Variants in CELF4 observed in about 807,000 individuals in gnomAD.
CELF4 encodes CUGBP Elav-like family member 4.
In CELF4, 18 loss-of-function variants were observed where a neutral mutation model predicts 59.9. The observed-to-expected ratio is 0.30, with a 90% CI of 0.21 to 0.45. CELF4 has a LOEUF of 0.45. Ranked by LOEUF, CELF4 falls within the 20% of genes least tolerant of loss-of-function variation. CELF4 has a pLI of 1.00. For synonymous variants in CELF4, 261 were observed against 267.1 expected (o/e 0.98, Z 0.22); for missense variants, 456 against 689.0 (o/e 0.66, Z 3.79).
At chr18:37,529,444 A>G (rs565292999) in intron 1 of CELF4, among the ~76,000 whole-genome samples, 29 of 152,240 alleles carry the variant, frequency 1.9e-4, no homozygotes, top group Admixed American at 7.8e-4. Context: ...TACCACACCC[A>G]CTGCATGAGG....
intron 1 of CELF4, among the ~76,000 whole-genome samples, chr18:37,518,085 G>A (rs2099952921): frequency 6.6e-6 from 1 of 152,112 alleles, no homozygotes; most frequent in African/African-American, 2.4e-5. Context: ...TGACCAGCAA[G>A]GCTCCCTCTT....
intron 2 of CELF4, among the ~76,000 whole-genome samples, chr18:37,339,954 C>T (rs1042752868): frequency 6.6e-6 from 1 of 152,062 alleles, no homozygotes; most frequent in Non-Finnish European, 1.5e-5. Flanking sequence ...TCTGTGTGTC[C>T]GGCTGTTTCC....
intron 3 of CELF4, among the ~76,000 whole-genome samples, chr18:37,282,292 G>C (rs1016285754): frequency 6.6e-6 from 1 of 152,098 alleles, no homozygotes; most frequent in Non-Finnish European, 1.5e-5. Flanking sequence ...AGTCAGAGAA[G>C]CCAACAGCAT....
At position 37,565,568 on chromosome 18, in the gene CELF4, C is replaced by T. The variant is rs1555685314; in HGVS notation, c.74G>A (p.Ser25Asn). Reference protein sequence around the residue: ...NASLSTNGLGSSPGSAGHMNG... With the variant: ...NASLSTNGLGNSPGSAGHMNG... ...CATGTGCCCGGCACTGCCCGGGCTG[C>T]TGCCGAGCCCGTTGGTACTGAGGCT... Residue 25 changes from serine (S) to asparagine (N), a missense_variant, in exon 1 of 13, where the codon AGC (serine) becomes AAC (asparagine). Ser to Asn is a conservative substitution (Grantham distance 46). Around this residue, in one of 7 missense-constraint regions of CELF4, gnomAD observed 70 missense variants for 69.5 expected, o/e 1.01. Transcript: ENST00000420428. 1 of 1,614,104 alleles carries T rather than the reference C, an allele frequency of 6.2e-7. No homozygotes were observed. Among genetic ancestry groups the T allele is most frequent in the Non-Finnish European group, 8.5e-7 (1 of 1,179,960 alleles).
chr18:37,387,710 G>A (rs117548320), intron 2 of CELF4, among the ~76,000 whole-genome samples: 3,344 of 152,294 alleles, frequency 0.022, 64 homozygotes, highest in Middle Eastern at 0.044. Context: ...GCCCTTCTGC[G>A]GGTGGGACTT....
At chr18:37,414,500 T>TTTC (rs1414134430) in intron 2 of CELF4, among the ~76,000 whole-genome samples, 1 of 42,904 alleles carries the variant, frequency 2.3e-5, no homozygotes, top group Non-Finnish European at 5.5e-5. Flanking sequence ...TTTCTTTTCT[T>TTTC]TTCTTTTTTT....
At chr18:37,461,503 G>A (rs555825536) in intron 2 of CELF4, among the ~76,000 whole-genome samples, 26 of 152,244 alleles carry the variant, frequency 1.7e-4, no homozygotes, top group East Asian at 5.8e-4. Flanking sequence ...GAGGGGAACC[G>A]CCCCCATGAT....
At chr18:37,307,754 G>T (rs2096487811) in intron 3 of CELF4, among the ~76,000 whole-genome samples, 1 of 151,652 alleles carries the variant, frequency 6.6e-6, no homozygotes. Context: ...GGCCAGACCT[G>T]GCTGCCCTCA....
intron 2 of CELF4, among the ~76,000 whole-genome samples, chr18:37,368,082 C>T (rs1453739617): frequency 6.6e-6 from 1 of 152,074 alleles, no homozygotes; most frequent in Non-Finnish European, 1.5e-5. Context: ...GCCTGTGGGT[C>T]ATTTGGGTCT....
At chr18:37,353,523 A>G (rs569517815) in intron 2 of CELF4, among the ~76,000 whole-genome samples, 2 of 151,030 alleles carry the variant, frequency 1.3e-5, no homozygotes, top group African/African-American at 4.9e-5. Context: ...GCAATAGGGC[A>G]TGGGGGAAGA....
At chr18:37,445,998 T>C (rs2099747139) in intron 2 of CELF4, among the ~76,000 whole-genome samples, 1 of 152,190 alleles carries the variant, frequency 6.6e-6, no homozygotes, top group Non-Finnish European at 1.5e-5. Context: ...ATCTCCACCT[T>C]ACAGAGAATG....
At chr18:37,358,379 A>T (rs560075053) in intron 2 of CELF4, among the ~76,000 whole-genome samples, 2 of 152,254 alleles carry the variant, frequency 1.3e-5, no homozygotes, top group East Asian at 3.9e-4. Flanking sequence ...TTCCGCCATG[A>T]TTGTGAGGCT....
At chr18:37,373,305 A>C (rs1196288373) in intron 2 of CELF4, among the ~76,000 whole-genome samples, 2 of 152,210 alleles carry the variant, frequency 1.3e-5, no homozygotes, top group East Asian at 3.9e-4. Context: ...AGGCGCAGCC[A>C]TGTGCCCAGA....
intron 2 of CELF4, among the ~76,000 whole-genome samples, chr18:37,423,101 G>GAGAGAC (rs1557422806): frequency 2.6e-5 from 4 of 151,388 alleles, no homozygotes; most frequent in African/African-American, 4.9e-5. Flanking sequence ...GAGAGAGAGA[G>GAGAGAC]AGACAGACAG....
chr18:37,389,261 T>C (rs923839034), intron 2 of CELF4, among the ~76,000 whole-genome samples: 3 of 152,126 alleles, frequency 2.0e-5, no homozygotes, highest in African/African-American at 7.2e-5. Context: ...CCAATCTCCT[T>C]CAAGCAGCCC....
intron 1 of CELF4, among the ~76,000 whole-genome samples, chr18:37,530,621 C>T (rs2099968563): frequency 6.6e-6 from 1 of 152,116 alleles, no homozygotes; most frequent in South Asian, 2.1e-4. Flanking sequence ...TCCCCTCAGT[C>T]CGATGGGGTA....
At chr18:37,314,174 C>T (rs547114074) in intron 3 of CELF4, among the ~76,000 whole-genome samples, 4 of 152,304 alleles carry the variant, frequency 2.6e-5, no homozygotes, top group South Asian at 2.1e-4. Flanking sequence ...TCCGGCCACA[C>T]GGTGGCTCAC....
chr18:37,457,040 G>T (rs948535), intron 2 of CELF4, among the ~76,000 whole-genome samples: 12,063 of 152,252 alleles, frequency 0.079, 534 homozygotes, highest in East Asian at 0.14. Context: ...TTCCTGAGGA[G>T]GCTTCTGAGA....
chr18:37,349,236 C>T (rs1037756593), intron 2 of CELF4, among the ~76,000 whole-genome samples: 1 of 152,230 alleles, frequency 6.6e-6, no homozygotes, highest in African/African-American at 2.4e-5. Context: ...GCCCTCCCAA[C>T]CTGAACTCGC....
Sources: allele counts gnomAD v4.1 joint callset (sites outside exome capture counted in the v4.1 genomes callset), GRCh38; gene constraint gnomAD v4.1.1; regional missense constraint gnomAD v4.1.1; transcripts MANE v1.5; gene names NCBI Gene and HGNC (gene_info 2026-07-23, HGNC 2026-07-21).